CD38: variants seen among roughly 807,000 people sequenced by gnomAD.
CD38 encodes the protein CD38 molecule.
CD38 carries 31 observed loss-of-function variants against 36.3 expected under a neutral mutation model. That is an observed-to-expected ratio of 0.85 (90% confidence interval 0.64 to 1.15). The LOEUF (loss-of-function observed/expected upper bound fraction) is 1.15, where lower values mean the gene tolerates loss of function less well. Among genes scored for constraint, CD38 ranks in the 50% most tolerant of loss-of-function variants. The pLI is 0.00. For synonymous variants in CD38, 131 were observed against 135.2 expected, an observed-to-expected ratio of 0.97 and a Z score of 0.22; for missense variants, 380 against 371.9, an observed-to-expected ratio of 1.02 and a Z score of -0.18.
At chr4:15,788,189 C>G (rs1023966238) in intron 1 of CD38, among the ~76,000 whole-genome samples, 1 of 152,202 alleles carries the variant, frequency 6.6e-6, no homozygotes, top group Non-Finnish European at 1.5e-5. Context: ...GCACCTGGCA[C>G]TCCTAGTACT....
At chr4:15,830,653 A>G (rs1723941228) in intron 3 of CD38, among the ~76,000 whole-genome samples, 1 of 152,126 alleles carries the variant, frequency 6.6e-6, no homozygotes, top group Non-Finnish European at 1.5e-5. Flanking sequence ...GTATTGCTCA[A>G]TAATTTTTTT....
At chr4:15,781,077 G>C (rs1251286442) in intron 1 of CD38, among the ~76,000 whole-genome samples, 1 of 152,132 alleles carries the variant, frequency 6.6e-6, no homozygotes, top group Non-Finnish European at 1.5e-5. Context: ...CTGGCCAAGA[G>C]AGTAAGACTC....
chr4:15,829,257 T>C (rs1298929903), intron 3 of CD38, among the ~76,000 whole-genome samples: 3 of 152,188 alleles, frequency 2.0e-5, no homozygotes, highest in Non-Finnish European at 4.4e-5. Flanking sequence ...AATAGGTGTA[T>C]ATATGGGATG....
In CD38 at chr4:15,838,021, G is replaced by T. The variant is rs183596732; in HGVS notation, c.586-71G>T. ...CCTTAACCAGCTATTGCTAAGTATTGTTTTGAATGAAACTGCTGGAGGATG... is the reference window on the plus strand; with the variant it reads ...CCTTAACCAGCTATTGCTAAGTATTTTTTTGAATGAAACTGCTGGAGGATG... On this transcript the variant is annotated intron_variant, in intron 4 of 7. Transcript: ENST00000226279. 1.3e-3 allele frequency: 1,592 copies of T among 1,245,882 alleles called. 8 individuals are homozygous for T. The highest frequency in any genetic ancestry group is 1.3e-3 in the Non-Finnish European group (1,070 of 855,622). 77.2% of individuals were successfully genotyped at this position (1,245,882 alleles called of 1,614,324 possible). A position where few individuals can be genotyped will look rare whatever the true frequency, so the allele number is the denominator to read the frequency against.
At chr4:15,833,159 GCT>G (rs1723992139) in intron 3 of CD38, among the ~76,000 whole-genome samples, 2 of 152,164 alleles carry the variant, frequency 1.3e-5, no homozygotes, top group African/African-American at 4.8e-5. Context: ...GCCCAGAAAT[GCT>G]ATCCAAGAGC....
chr4:15,827,669 TA>T (rs1488576549), intron 3 of CD38, among the ~76,000 whole-genome samples: 1 of 152,124 alleles, frequency 6.6e-6, no homozygotes, highest in African/African-American at 2.4e-5. Context: ...CCTTTTGTTT[TA>T]TTTTTTAATT....
intron 2 of CD38, among the ~76,000 whole-genome samples, chr4:15,817,830 G>A (rs575838531): frequency 2.0e-5 from 3 of 152,262 alleles, no homozygotes; most frequent in Middle Eastern, 6.8e-3. Flanking sequence ...TGAGACCAAC[G>A]CAGAAGGTGG....
chr4:15,787,340 T>C (rs1275654872), intron 1 of CD38, among the ~76,000 whole-genome samples: 1 of 152,270 alleles, frequency 6.6e-6, no homozygotes, highest in Non-Finnish European at 1.5e-5. Context: ...ATGTAATTTA[T>C]GGAGCCTAGT....
chr4:15,831,785 T>G (rs1191310936), intron 3 of CD38, among the ~76,000 whole-genome samples: 3 of 152,196 alleles, frequency 2.0e-5, no homozygotes, highest in Admixed American at 1.3e-4. Flanking sequence ...TAAATCTGCT[T>G]GGTGTTCTAT....
chr4:15,787,075 C>G (rs913466526), intron 1 of CD38, among the ~76,000 whole-genome samples: 3 of 152,120 alleles, frequency 2.0e-5, no homozygotes, highest in African/African-American at 4.8e-5. Context: ...CGCTGGCCCA[C>G]GAGCGCCTCT....
chr4:15,788,237 T>C (rs1225580758), intron 1 of CD38, among the ~76,000 whole-genome samples: 1 of 152,134 alleles, frequency 6.6e-6, no homozygotes, highest in Non-Finnish European at 1.5e-5. Context: ...TCAGAGCATA[T>C]TGGATGAGCC....
At chr4:15,826,459 G>GCACACACACA (rs67475051) in intron 3 of CD38, among the ~76,000 whole-genome samples, 47 of 146,348 alleles carry the variant, frequency 3.2e-4, no homozygotes, top group African/African-American at 2.0e-4. Flanking sequence ...ACTTTTGTGC[G>GCACACACACA]CACACACACA....
intron 1 of CD38, among the ~76,000 whole-genome samples, chr4:15,811,378 G>C (rs1723465824): frequency 6.6e-6 from 1 of 151,958 alleles, no homozygotes; most frequent in Admixed American, 6.6e-5. Flanking sequence ...TTCTATGTTT[G>C]CCTCTAAGAA....
chr4:15,780,534 A>ACACACACACACACACACACGCG lies in CD38; in HGVS notation c.233+1906_233+1907insGCGCACACACACACACACACAC, dbSNP rs1560303831. On this transcript the variant is annotated intron_variant, in intron 1 of 7. Transcript: ENST00000226279. ...TTCTCTCTCTCACACACACACACACACACACACACACACACACACACACAC... is the reference window on the plus strand; with the variant it reads ...TTCTCTCTCTCACACACACACACACACACACACACACACACACACGCGCACACACACACACACACACACACAC... Among the ~76,000 whole-genome samples, 303 of 144,264 alleles carry ACACACACACACACACACACGCG rather than the reference A, an allele frequency of 2.1e-3. 2 individuals are homozygous for ACACACACACACACACACACGCG. The highest frequency in any genetic ancestry group is 8.1e-3 in the African/African-American group (299 of 37,134). 94.6% of individuals were successfully genotyped at this position (144,264 alleles called of 152,430 possible). A position where few individuals can be genotyped will look rare whatever the true frequency, so the allele number is the denominator to read the frequency against.
intron 5 of CD38, among the ~76,000 whole-genome samples, chr4:15,839,486 C>T (rs1040965986): frequency 3.5e-5 from 5 of 141,440 alleles, no homozygotes; most frequent in East Asian, 2.1e-4. Context: ...TGCAGTGACA[C>T]GGTCTCCGCT....
rs138124574 is a variant in CD38 at position 15,829,606 on chromosome 4, G to A, written c.499+4590G>A. Among the ~76,000 whole-genome samples the A allele has an allele frequency of 2.2e-3, 334 of 152,286 alleles. 3 individuals are homozygous for A. Among genetic ancestry groups the A allele is most frequent in the African/African-American group, 7.6e-3 (316 of 41,558 alleles). The stretch of plus-strand genomic sequence containing the variant: ...GGGCTGCTTGAGACCCATGGGCCAT[G>A]GGTTGGACAAGCTTTTTTTAAAATG... On this transcript the variant is annotated intron_variant, in intron 3 of 7. Coordinates refer to ENST00000226279, the MANE Select transcript of CD38 (RefSeq NM_001775.4).
chr4:15,814,530 A>T (rs2148921723), intron 1 of CD38, among the ~76,000 whole-genome samples: 1 of 152,206 alleles, frequency 6.6e-6, no homozygotes, highest in Non-Finnish European at 1.5e-5. Context: ...CTATGTCCTG[A>T]ATGGTATTGC....
intron 7 of CD38, 38 bp from the exon 8 acceptor site, chr4:15,848,501 A>ACGGT: frequency 6.5e-7 from 1 of 1,528,436 alleles, no homozygotes; most frequent in South Asian, 1.1e-5. Flanking sequence ...GATGTATCCT[A>ACGGT]CGGTCTCTTG....
intron 2 of CD38, among the ~76,000 whole-genome samples, chr4:15,818,821 A>G (rs1278788522): frequency 6.6e-6 from 1 of 152,208 alleles, no homozygotes; most frequent in African/African-American, 2.4e-5. Flanking sequence ...AACAACATCA[A>G]TGAAAAAGAC....
Sources: allele counts gnomAD v4.1 joint callset (sites outside exome capture counted in the v4.1 genomes callset), GRCh38; gene constraint gnomAD v4.1.1; transcripts MANE v1.5; gene names NCBI Gene and HGNC (gene_info 2026-07-23, HGNC 2026-07-21).